DNER: variants seen among roughly 807,000 people sequenced by gnomAD.
DNER encodes delta and Notch-like epidermal growth factor-related receptor.
A neutral mutation model predicts 78.2 loss-of-function variants in DNER; 33 were observed. The ratio of observed to expected loss-of-function variants is 0.42; its 90% confidence interval spans 0.32 to 0.56. The LOEUF is 0.56. DNER is among the 20% of genes least tolerant of loss of function. The pLI, the probability that DNER is intolerant of heterozygous loss-of-function variation, is 0.11. For missense variants in DNER, 918 were observed against 975.3 expected (o/e 0.94, Z 0.78); for synonymous variants, 417 against 384.8 (o/e 1.08, Z -0.98).
chr2:229,528,844 G>A (rs1696253082), intron 5 of DNER, among the ~76,000 whole-genome samples: 1 of 152,170 alleles, frequency 6.6e-6, no homozygotes, highest in South Asian at 2.1e-4. Flanking sequence ...CTGAGATTGT[G>A]TCGCTTAATT....
intron 6 of DNER, among the ~76,000 whole-genome samples, chr2:229,490,423 C>T (rs182420775): frequency 1.3e-5 from 2 of 152,282 alleles, no homozygotes; most frequent in East Asian, 3.9e-4. Flanking sequence ...GCAGTTATAC[C>T]TGGTATAACC....
At chr2:229,540,703 A>G (rs1215098566) in intron 5 of DNER, among the ~76,000 whole-genome samples, 1 of 152,232 alleles carries the variant, frequency 6.6e-6, no homozygotes, top group African/African-American at 2.4e-5. Flanking sequence ...AGGTAGGAAG[A>G]GATGTCACAG....
At chr2:229,563,255 C>T (rs960067078) in intron 4 of DNER, among the ~76,000 whole-genome samples, 1 of 143,806 alleles carries the variant, frequency 7.0e-6, no homozygotes, top group South Asian at 2.4e-4. Flanking sequence ...TCACCATCAT[C>T]ATCAACATCA....
chr2:229,424,086 G>C (rs894951070), intron 8 of DNER, among the ~76,000 whole-genome samples: 1 of 152,154 alleles, frequency 6.6e-6, no homozygotes, highest in Non-Finnish European at 1.5e-5. Context: ...CAATTGATTC[G>C]ATGCACTTTT....
At chr2:229,525,944 G>A (rs999766038) in intron 5 of DNER, among the ~76,000 whole-genome samples, 1 of 152,132 alleles carries the variant, frequency 6.6e-6, no homozygotes, top group Non-Finnish European at 1.5e-5. Context: ...ATCAGCAAAG[G>A]TGGGAAGGTC....
intron 5 of DNER, among the ~76,000 whole-genome samples, chr2:229,530,464 C>T (rs895911638): frequency 5.3e-5 from 8 of 152,234 alleles, no homozygotes; most frequent in Non-Finnish European, 1.5e-5. Context: ...GCACATATCA[C>T]ATAACCACTT....
At chr2:229,706,235 T>C (rs1407192675) in intron 1 of DNER, among the ~76,000 whole-genome samples, 5 of 152,092 alleles carry the variant, frequency 3.3e-5, no homozygotes, top group African/African-American at 1.2e-4. Flanking sequence ...GCCAACTTCT[T>C]CCTTTATCAA....
At chr2:229,571,704 C>G (rs892430838) in intron 4 of DNER, among the ~76,000 whole-genome samples, 1 of 152,118 alleles carries the variant, frequency 6.6e-6, no homozygotes, top group Admixed American at 6.5e-5. Flanking sequence ...ACCTTTCTTT[C>G]TAACTTGGTA....
At chr2:229,397,463 C>CAAAAAAAAAAAAAAAAAAAAAA (rs763572496) in intron 10 of DNER, among the ~76,000 whole-genome samples, 5 of 96,594 alleles carry the variant, frequency 5.2e-5, no homozygotes, top group East Asian at 3.3e-4. Context: ...CCAAACACTA[C>CAAAAAAAAAAAAAAAAAAAAAA]AAAAAAAAAA....
In DNER at chr2:229,384,575, G is replaced by C. The variant is rs538331807; in HGVS notation, c.1855+3690C>G. ...TAGACACAATAAAAATTGATAAAGG[G>C]GATATCACCGCTGATCTGATAGAAA... On this transcript the variant is annotated intron_variant, in intron 11 of 12. Transcript: ENST00000341772. 5.9e-4 allele frequency among the ~76,000 whole-genome samples: 90 copies of C among 152,096 alleles called. 1 individual carries two copies. Among genetic ancestry groups the C allele is most frequent in the African/African-American group, 2.1e-3 (89 of 41,480 alleles).
chr2:229,404,571 G>C (rs1443480866), intron 10 of DNER, among the ~76,000 whole-genome samples: 1 of 152,140 alleles, frequency 6.6e-6, no homozygotes, highest in East Asian at 1.9e-4. Flanking sequence ...AGCCATATCA[G>C]ATGATATCAA....
chr2:229,463,640 A>T (rs1197121140), intron 7 of DNER, among the ~76,000 whole-genome samples: 1 of 152,006 alleles, frequency 6.6e-6, no homozygotes, highest in Admixed American at 6.6e-5. Context: ...TGATCTCCCT[A>T]TGTTGCCCAG....
In DNER at chr2:229,398,769, C is replaced by T. The variant is rs554801128; in HGVS notation, c.1723+8463G>A. The stretch of plus-strand genomic sequence containing the variant: ...ATACACTATGACCAGGTGGTATATT[C>T]CAGGCATGCAAGACTAATTCAATAT... On this transcript the variant is annotated intron_variant, in intron 10 of 12. Transcript: ENST00000341772. 4.7e-4 allele frequency among the ~76,000 whole-genome samples: 72 copies of T among 151,978 alleles called. No homozygotes were observed. In the Middle Eastern group the frequency reaches 0.017, roughly 36 times the overall value.
chr2:229,385,760 C>A (rs549884929), intron 11 of DNER, among the ~76,000 whole-genome samples: 1 of 152,220 alleles, frequency 6.6e-6, no homozygotes, highest in South Asian at 2.1e-4. Flanking sequence ...ATACAACTTA[C>A]AAGGGATGTT....
intron 1 of DNER, among the ~76,000 whole-genome samples, chr2:229,628,279 G>A (rs72993222): frequency 0.021 from 3,149 of 152,274 alleles, 44 homozygotes; most frequent in Middle Eastern, 0.034. Flanking sequence ...AGTCATCAAA[G>A]TCATATATCC....
chr2:229,486,843 T>C (rs960366785), intron 6 of DNER, among the ~76,000 whole-genome samples: 8 of 152,204 alleles, frequency 5.3e-5, no homozygotes, highest in African/African-American at 1.7e-4. Context: ...TGGGAACTCG[T>C]TACAAATGCA....
At chr2:229,686,351 G>A (rs1394726738) in intron 1 of DNER, among the ~76,000 whole-genome samples, 2 of 152,128 alleles carry the variant, frequency 1.3e-5, no homozygotes, top group Non-Finnish European at 2.9e-5. Context: ...CCCAGGTTCT[G>A]AGTCAGCTTT....
chr2:229,427,015 A>C (rs4973200), intron 8 of DNER, among the ~76,000 whole-genome samples: 152,346 of 152,356 alleles, frequency 1, 76,168 homozygotes, highest in Non-Finnish European at 1. Flanking sequence ...CATGGCAACT[A>C]AGCCAGAAAA....
chr2:229,658,981 TATCACGTCTCTAC>T (rs1698960057), intron 1 of DNER, among the ~76,000 whole-genome samples: 1 of 152,184 alleles, frequency 6.6e-6, no homozygotes, highest in African/African-American at 2.4e-5. Flanking sequence ...TTTTTTAACG[TATCACGTCTCTAC>T]ATCTGCATTT....
Sources: allele counts gnomAD v4.1 joint callset (sites outside exome capture counted in the v4.1 genomes callset), GRCh38; gene constraint gnomAD v4.1.1; transcripts MANE v1.5; gene names NCBI Gene and HGNC (gene_info 2026-07-23, HGNC 2026-07-21).